Variants in ASAP1 observed in about 807,000 individuals in gnomAD.
The protein encoded by ASAP1 is arf-GAP with SH3 domain, ANK repeat and PH domain-containing protein 1.
ASAP1 carries 43 observed loss-of-function variants against 145.2 expected under a neutral mutation model. The observed-to-expected ratio is 0.30, with a 90% CI of 0.23 to 0.38. ASAP1 has a LOEUF of 0.38. ASAP1 is among the 10% of genes least tolerant of loss of function. The pLI is 1.00. For synonymous variants in ASAP1, 546 were observed against 515.5 expected, an observed-to-expected ratio of 1.06 and a Z score of -0.80; for missense variants, 1,018 against 1,355.3, an observed-to-expected ratio of 0.75 and a Z score of 3.91.
chr8:130,220,205 C>T (rs1271706206), intron 4 of ASAP1, among the ~76,000 whole-genome samples: 3 of 152,282 alleles, frequency 2.0e-5, no homozygotes, highest in South Asian at 4.1e-4. Flanking sequence ...CACTTCATCA[C>T]GATTTCAACT....
intron 1 of ASAP1, among the ~76,000 whole-genome samples, chr8:130,416,766 G>A (rs1044284221): frequency 2.0e-5 from 3 of 152,182 alleles, no homozygotes; most frequent in Admixed American, 6.5e-5. Context: ...CTGGCTCCTC[G>A]GAGACTCTGA....
intron 13 of ASAP1, among the ~76,000 whole-genome samples, chr8:130,137,786 T>A (rs2097598640): frequency 6.6e-6 from 1 of 152,156 alleles, no homozygotes; most frequent in Admixed American, 6.5e-5. Context: ...ATCTAGATAG[T>A]CACGCTAACT....
intron 24 of ASAP1, among the ~76,000 whole-genome samples, chr8:130,100,230 C>T (rs1462612020): frequency 6.6e-6 from 1 of 152,170 alleles, no homozygotes; most frequent in African/African-American, 2.4e-5. Context: ...GATAATATCT[C>T]ATTGTGGTTT....
intron 1 of ASAP1, among the ~76,000 whole-genome samples, chr8:130,408,263 G>A (rs184267507): frequency 1.3e-5 from 2 of 152,290 alleles, no homozygotes; most frequent in African/African-American, 4.8e-5. Context: ...TGTCTGTGAG[G>A]GTGTTTCTGC....
At chr8:130,211,444 A>G (rs538345423) in intron 5 of ASAP1, among the ~76,000 whole-genome samples, 1 of 152,342 alleles carries the variant, frequency 6.6e-6, no homozygotes, top group East Asian at 1.9e-4. Flanking sequence ...AAAAACCCGA[A>G]GCATCTCAAT....
intron 15 of ASAP1, 30 bp downstream of exon 15, chr8:130,134,266 G>A (rs780404950): frequency 9.9e-6 from 15 of 1,520,928 alleles, no homozygotes; most frequent in Non-Finnish European, 3.6e-6. Flanking sequence ...TCAATCCAAG[G>A]CATCGCACCT....
chr8:130,074,486 C>CAGAG (rs1554816937), intron 27 of ASAP1, among the ~76,000 whole-genome samples: 3,958 of 140,554 alleles, frequency 0.028, 111 homozygotes, highest in South Asian at 0.055. Flanking sequence ...CACACACACA[C>CAGAG]AGAGAGAACG....
chr8:130,300,739 T>TTACC (rs1324378629), intron 3 of ASAP1, among the ~76,000 whole-genome samples: 1 of 152,348 alleles, frequency 6.6e-6, no homozygotes, highest in East Asian at 1.9e-4. Context: ...TTCTGCTTTA[T>TTACC]TACCTCCCTC....
At chr8:130,294,643 C>G (rs1316166341) in intron 3 of ASAP1, among the ~76,000 whole-genome samples, 1 of 152,202 alleles carries the variant, frequency 6.6e-6, no homozygotes, top group Non-Finnish European at 1.5e-5. Context: ...TTCTCTTCTC[C>G]CTTACTGGGG....
At chr8:130,226,008 T>G (rs1317567071) in intron 4 of ASAP1, among the ~76,000 whole-genome samples, 3 of 151,568 alleles carry the variant, frequency 2.0e-5, no homozygotes, top group Non-Finnish European at 2.9e-5. Context: ...CTCTCCCTAG[T>G]AGCTGGGACT....
At chr8:130,359,059 A>G (rs1209749937) in intron 2 of ASAP1, among the ~76,000 whole-genome samples, 2 of 152,094 alleles carry the variant, frequency 1.3e-5, no homozygotes, top group Non-Finnish European at 2.9e-5. Flanking sequence ...CCGGGCTTGC[A>G]GCTGCCCGCT....
chr8:130,080,950 A>C (rs1420952826), intron 25 of ASAP1, among the ~76,000 whole-genome samples: 2 of 152,194 alleles, frequency 1.3e-5, no homozygotes, highest in Non-Finnish European at 2.9e-5. Context: ...AACATTTATT[A>C]AGCATCTACT....
intron 1 of ASAP1, among the ~76,000 whole-genome samples, chr8:130,427,958 C>A (rs1829985471): frequency 6.6e-6 from 1 of 152,078 alleles, no homozygotes; most frequent in African/African-American, 2.4e-5. Flanking sequence ...CTCACTGTGC[C>A]CCTGTATCTT....
At chr8:130,069,832 G>C (rs975517901) in intron 27 of ASAP1, among the ~76,000 whole-genome samples, 4 of 152,146 alleles carry the variant, frequency 2.6e-5, no homozygotes, top group African/African-American at 9.7e-5. Context: ...GCAAAAATGG[G>C]GCAGACTAAT....
At chr8:130,074,165 G>T (rs2097456469) in intron 27 of ASAP1, among the ~76,000 whole-genome samples, 1 of 151,916 alleles carries the variant, frequency 6.6e-6, no homozygotes, top group African/African-American at 2.4e-5. Context: ...TTAACACTGG[G>T]TATTTGATGA....
At chr8:130,204,194 T>G (rs1285501317) in intron 5 of ASAP1, among the ~76,000 whole-genome samples, 1 of 152,132 alleles carries the variant, frequency 6.6e-6, no homozygotes, top group African/African-American at 2.4e-5. Flanking sequence ...TACTGTGAAC[T>G]GCATATGCAA....
intron 7 of ASAP1, among the ~76,000 whole-genome samples, chr8:130,181,315 T>C (rs932937228): frequency 6.6e-6 from 1 of 152,226 alleles, no homozygotes; most frequent in Admixed American, 6.5e-5. Flanking sequence ...ACATGACAGA[T>C]TCATATACAT....
intron 2 of ASAP1, among the ~76,000 whole-genome samples, chr8:130,359,816 T>G (rs956913045): frequency 2.6e-5 from 4 of 151,524 alleles, no homozygotes; most frequent in Admixed American, 1.3e-4. Context: ...GTAGAGACGG[T>G]GTTTTACCTT....
At chr8:130,326,833 A>G (rs971147779) in intron 3 of ASAP1, among the ~76,000 whole-genome samples, 3 of 152,192 alleles carry the variant, frequency 2.0e-5, no homozygotes, top group Non-Finnish European at 2.9e-5. Context: ...ACTGAAAATG[A>G]CCTTATAGAA....
Sources: gnomAD v4.1 joint callset for allele counts (sites outside exome capture counted in the v4.1 genomes callset) on GRCh38, gnomAD v4.1.1 for gene constraint, MANE v1.5 for transcripts, NCBI Gene and HGNC (gene_info 2026-07-23, HGNC 2026-07-21) for gene names.